The following MACF1 variants were observed in gnomAD, a reference collection of about 807,000 sequenced individuals.
MACF1 encodes the protein microtubule-actin cross-linking factor 1.
A neutral mutation model predicts 854.8 loss-of-function variants in MACF1; 193 were observed. The observed-to-expected ratio is 0.23, with a 90% CI of 0.20 to 0.25. The LOEUF is 0.25. Among genes scored for constraint, MACF1 ranks in the 10% least tolerant of loss-of-function variants. MACF1 has a pLI of 1.00. For synonymous variants in MACF1, 3,185 were observed against 3,226.7 expected, an observed-to-expected ratio of 0.99 and a Z score of 0.44; for missense variants, 7,722 against 8,929.1, an observed-to-expected ratio of 0.86 and a Z score of 5.45.
rs1360100334 is a variant in MACF1 at position 39,298,132 on chromosome 1, T to G, written c.2481+387T>G. Reference sequence around the variant, plus strand: ...TATCAAATTCTTTTTTACTCTCTTATGCAAAAAAAAAACCAACAACAACAA... The same window carrying G: ...TATCAAATTCTTTTTTACTCTCTTAGGCAAAAAAAAAACCAACAACAACAA... On this transcript the variant is annotated intron_variant, in intron 21 of 100. Transcript: ENST00000564288. Among the ~76,000 whole-genome samples the G allele has an allele frequency of 2.7e-5, 4 of 149,244 alleles. No individual in the cohort carries two copies. The East Asian group carries it at 8.0e-4, about 30-fold the overall frequency.
chr1:39,344,387 G>A (rs1647000730), intron 40 of MACF1, among the ~76,000 whole-genome samples: 1 of 151,282 alleles, frequency 6.6e-6, no homozygotes, highest in Admixed American at 6.6e-5. Context: ...AGCTGAGATC[G>A]TGCCACTGGA....
At chr1:39,128,040 AC>A (rs1642905273) in intron 2 of MACF1, among the ~76,000 whole-genome samples, 1 of 152,154 alleles carries the variant, frequency 6.6e-6, no homozygotes, top group South Asian at 2.1e-4. Flanking sequence ...GGTCAGGGTA[AC>A]CACTGTTCAA....
chr1:39,218,063 G>A (rs1275527447), intron 1 of MACF1, among the ~76,000 whole-genome samples: 1 of 151,000 alleles, frequency 6.6e-6, no homozygotes, highest in African/African-American at 2.4e-5. Context: ...GGTGCTTGTA[G>A]TCCTAGCTAC....
intron 28 of MACF1, 52 bp from the exon 29 acceptor site, chr1:39,317,162 C>T: frequency 6.4e-7 from 1 of 1,563,450 alleles, no homozygotes; most frequent in Non-Finnish European, 8.7e-7. Flanking sequence ...TAGACTGACT[C>T]CTTTTTAGCA....
At chr1:39,316,946 T>G (rs1646421869) in intron 28 of MACF1, among the ~76,000 whole-genome samples, 1 of 152,240 alleles carries the variant, frequency 6.6e-6, no homozygotes, top group Non-Finnish European at 1.5e-5. Context: ...TATTTTGGTT[T>G]CATATGTTAT....
intron 15 of MACF1, among the ~76,000 whole-genome samples, chr1:39,289,693 CTTTTTT>C (rs58188740): frequency 2.4e-4 from 7 of 28,964 alleles, no homozygotes; most frequent in Non-Finnish European, 4.2e-4. Context: ...GTGGGTTGTC[CTTTTTT>C]TTTTTTTTTT....
chr1:39,233,808 T>TTTTTTTTTTTTTTTTTA lies in MACF1; in HGVS notation c.171+2565_171+2566insTTTTTTTTTTTTTTTTA, dbSNP rs755591226. Among the ~76,000 whole-genome samples the TTTTTTTTTTTTTTTTTA allele has an allele frequency of 1.1e-4, 7 of 65,852 alleles. 1 individual carries two copies. Among genetic ancestry groups the TTTTTTTTTTTTTTTTTA allele is most frequent in the Admixed American group, 4.3e-4 (2 of 4,658 alleles). 43.2% of individuals were successfully genotyped at this position (65,852 alleles called of 152,430 possible). Reference sequence around the variant, plus strand: ...TTTTTTTTTTTTTTTATTTATTTTTTATTGATAATTCTTGGGTGTTTCTCA... The same window carrying TTTTTTTTTTTTTTTTTA: ...TTTTTTTTTTTTTTTATTTATTTTTTTTTTTTTTTTTTTTTTAATTGATAATTCTTGGGTGTTTCTCA... On this transcript the variant is annotated intron_variant, in intron 2 of 100. Coordinates refer to ENST00000564288, the MANE Select transcript of MACF1 (RefSeq NM_001394062.1).
chr1:39,142,482 C>T (rs932264284), intron 2 of MACF1, among the ~76,000 whole-genome samples: 1 of 152,142 alleles, frequency 6.6e-6, no homozygotes, highest in African/African-American at 2.4e-5. Flanking sequence ...ATGAATGTAC[C>T]TCTAGCTCAT....
chr1:39,336,012 C>T lies in MACF1; in HGVS notation c.9424C>T (p.Gln3142Ter). The change falls in exon 37 of 101, where the codon CAG (glutamine) becomes TAG (stop). Residue 3142 changes from glutamine (Q) to a stop codon, truncating the protein, a stop_gained. Transcript: ENST00000564288. LOFTEE classifies it high-confidence loss of function. Reference sequence around the variant, plus strand: ...CAAGTCTTTCCAAGGAACCACCAGACAGGAGACCAACTATCAAGATTCCTG... The same window carrying T: ...CAAGTCTTTCCAAGGAACCACCAGATAGGAGACCAACTATCAAGATTCCTG... ...TDKSFQGTTR[Q>*]ETNYQDSWVT... 1 of 1,614,128 alleles carries T rather than the reference C, an allele frequency of 6.2e-7. No homozygotes were observed. Among genetic ancestry groups the T allele is most frequent in the Non-Finnish European group, 8.5e-7 (1 of 1,180,008 alleles).
chr1:39,421,374 C>G (rs955484481), intron 58 of MACF1, among the ~76,000 whole-genome samples: 2 of 152,170 alleles, frequency 1.3e-5, no homozygotes, highest in Non-Finnish European at 2.9e-5. Context: ...AAATGTAAAT[C>G]TGTATCTTAC....
intron 1 of MACF1, among the ~76,000 whole-genome samples, chr1:39,215,019 C>T (rs1644559283): frequency 6.6e-6 from 1 of 152,222 alleles, no homozygotes; most frequent in South Asian, 2.1e-4. Flanking sequence ...GGTTTACTCA[C>T]TTCATACCTT....
chr1:39,443,012 T>C, intron 78 of MACF1, 101 bp downstream of exon 78: 1 of 1,194,028 alleles, frequency 8.4e-7, no homozygotes, highest in Non-Finnish European at 1.2e-6. Flanking sequence ...AAGAATCCCT[T>C]ATGTCTTGAG....
At chr1:39,266,489 C>G (rs1030841559) in intron 6 of MACF1, among the ~76,000 whole-genome samples, 2 of 152,008 alleles carry the variant, frequency 1.3e-5, no homozygotes, top group East Asian at 3.9e-4. Context: ...GGAAGAACAC[C>G]TACTGCAGTT....
chr1:39,340,376 A>G (rs911470882), intron 38 of MACF1, 126 bp from the exon 39 acceptor site: 14 of 649,476 alleles, frequency 2.2e-5, no homozygotes, highest in Middle Eastern at 4.1e-4. Flanking sequence ...TAATGAATGT[A>G]CATAAAAACA....
At chr1:39,156,643 G>A (rs1395774505) in intron 2 of MACF1, among the ~76,000 whole-genome samples, 7 of 151,864 alleles carry the variant, frequency 4.6e-5, no homozygotes. Context: ...AAGAATTTGG[G>A]GCTCCTGCCT....
intron 2 of MACF1, among the ~76,000 whole-genome samples, chr1:39,103,999 G>A (rs913506292): frequency 6.6e-6 from 1 of 152,340 alleles, no homozygotes; most frequent in Non-Finnish European, 1.5e-5. Flanking sequence ...CTAGCCTGGG[G>A]TTAAGAAGTT....
At chr1:39,314,335 G>A (rs772485952) in intron 26 of MACF1, among the ~76,000 whole-genome samples, 21 of 151,996 alleles carry the variant, frequency 1.4e-4, no homozygotes, top group Non-Finnish European at 2.5e-4. Context: ...TTTGTACCCG[G>A]GAGGCGGAGG....
chr1:39,326,680 C>CAAAAAA (rs57108021), intron 35 of MACF1, among the ~76,000 whole-genome samples: 2 of 72,736 alleles, frequency 2.7e-5, no homozygotes, highest in African/African-American at 5.5e-5. Context: ...GACTCCATCT[C>CAAAAAA]AAAAAAAAAA....
chr1:39,252,063 A>G (rs1158622063), intron 4 of MACF1, 122 bp downstream of exon 4: 3 of 552,088 alleles, frequency 5.4e-6, no homozygotes, highest in Admixed American at 4.3e-5. Flanking sequence ...TCTCATTTCA[A>G]CTGGGAATTT....
Sources: allele counts gnomAD v4.1 joint callset (sites outside exome capture counted in the v4.1 genomes callset), GRCh38; gene constraint gnomAD v4.1.1; transcripts MANE v1.5; gene names NCBI Gene and HGNC (gene_info 2026-07-23, HGNC 2026-07-21).